The following POR variants were observed in gnomAD, a reference collection of about 807,000 sequenced individuals.
POR encodes NADPH--cytochrome P450 reductase.
POR carries 56 observed loss-of-function variants against 84.0 expected under a neutral mutation model. The ratio of observed to expected loss-of-function variants is 0.67; its 90% CI spans 0.54 to 0.83. POR has a LOEUF of 0.83. POR is among the 40% of genes least tolerant of loss of function. The pLI is 0.00. For missense variants in POR, 938 were observed against 944.3 expected (o/e 0.99, Z 0.09); for synonymous variants, 414 against 400.5 (o/e 1.03, Z -0.40).
At position 75,985,185 on chromosome 7, in the gene POR, A is replaced by C. The variant is rs1554558928; in HGVS notation, c.1376A>C (p.Tyr459Ser). 6.3e-7 allele frequency: 1 copy of C among 1,596,196 alleles called. No homozygotes were observed. The highest frequency in any genetic ancestry group is 8.5e-7 in the Non-Finnish European group (1 of 1,177,910). ...CTGCCGCGCCTGCAGGCCCGCTACT[A>C]CTCCATCGCCTCATCCTCCAAGGTG... is the stretch of plus-strand genomic sequence containing the variant. Residue 459 changes from tyrosine to serine, a missense_variant, in exon 12 of 16, where the codon TAC becomes TCC. Transcript: ENST00000461988.
At chr7:75,964,079 A>G (rs1324919749) in intron 2 of POR, among the ~76,000 whole-genome samples, 135 of 150,730 alleles carry the variant, frequency 9.0e-4, no homozygotes, top group African/African-American at 3.1e-3. Context: ...GGCTCACTGC[A>G]ACCTCTGCCT....
At chr7:75,954,287 A>G in intron 2 of POR, 107 bp downstream of exon 2, 1 of 1,198,878 alleles carries the variant, frequency 8.3e-7, no homozygotes, top group African/African-American at 1.5e-5. Flanking sequence ...TCCTTGTAGC[A>G]TTTTGGGGTG....
At chr7:75,953,838 C>A (rs949813868) in intron 1 of POR, among the ~76,000 whole-genome samples, 151 bp from the exon 2 acceptor site, 3 of 152,164 alleles carry the variant, frequency 2.0e-5, no homozygotes, top group African/African-American at 7.2e-5. Flanking sequence ...TTGGCAGGAA[C>A]CTGGCTGAGT....
chr7:75,956,729 GT>G lies in POR; in HGVS notation c.188+2562del, dbSNP rs200737243. Among the ~76,000 whole-genome samples the G allele has an allele frequency of 4.6e-4, 68 of 146,940 alleles. 1 individual carries two copies. The highest frequency in any genetic ancestry group is 7.2e-4 in the African/African-American group (29 of 40,102). On this transcript the variant is annotated intron_variant, in intron 2 of 15. Transcript: ENST00000461988. ...TGGAAAATGAGGGTGTTGCAACATAGTTTTTTTTTTTTTGAGACAGACTTTT... is the reference window on the plus strand; with the variant it reads ...TGGAAAATGAGGGTGTTGCAACATAGTTTTTTTTTTTTGAGACAGACTTTT...
intron 1 of POR, among the ~76,000 whole-genome samples, chr7:75,925,755 C>G (rs1305751206): frequency 6.6e-6 from 1 of 152,180 alleles, no homozygotes; most frequent in Non-Finnish European, 1.5e-5. Context: ...AGGAGTGTTC[C>G]CACAGGTGAC....
In POR at chr7:75,979,431, C is replaced by A; in HGVS notation, c.238-20C>A. 6.2e-7 allele frequency: 1 copy of A among 1,610,896 alleles called. No homozygotes were observed. Among genetic ancestry groups the A allele is most frequent in the Non-Finnish European group, 8.5e-7 (1 of 1,178,800 alleles). The stretch of plus-strand genomic sequence containing the variant: ...GCTGAGGTCTGTGGCCCTCACCAAC[C>A]CTGTGTCTGCCTTCCTTAGGGGAGG... On this transcript the variant is annotated intron_variant, in intron 3 of 15. Transcript: ENST00000461988.
chr7:75,985,675 GC>G lies in POR; in HGVS notation c.1497del (p.Lys500ArgfsTer45). The G allele has an allele frequency of 6.3e-7, 1 of 1,594,306 alleles. No individual in the cohort carries two copies. The highest frequency in any genetic ancestry group is 8.5e-7 in the Non-Finnish European group (1 of 1,171,836). ...GGGCGTGGCCACCAACTGGCTGCGGGCCAAGGAGCCTGCCGGGGAGAACGGC... is the reference window on the plus strand; with the variant it reads ...GGGCGTGGCCACCAACTGGCTGCGGGCAAGGAGCCTGCCGGGGAGAACGGC... On this transcript the variant is annotated frameshift_variant, in exon 13 of 16. Transcript: ENST00000461988. LOFTEE classifies it high-confidence loss of function.
chr7:75,916,515 A>G (rs1280682122), intron 1 of POR, among the ~76,000 whole-genome samples: 1 of 151,956 alleles, frequency 6.6e-6, no homozygotes, highest in African/African-American at 2.4e-5. Flanking sequence ...AGGAGTTCTT[A>G]TTTTCCTTTT....
In POR at chr7:75,919,546, G is replaced by A. The variant is rs142188317; in HGVS notation, c.-5+4367G>A. Among the ~76,000 whole-genome samples, 1,425 of 152,096 alleles carry A rather than the reference G, an allele frequency of 9.4e-3. 24 individuals are homozygous for A. Among genetic ancestry groups the A allele is most frequent in the African/African-American group, 0.03 (1,242 of 41,498 alleles). ...TTTCTTTCTTTCCTTTTCTCTCTCT[G>A]TATGTTTATTTATTTATTTATTATT... On this transcript the variant is annotated intron_variant, in intron 1 of 15. Coordinates refer to ENST00000461988, the MANE Select transcript of POR (RefSeq NM_000941.3).
chr7:75,920,748 C>T (rs1389195086), intron 1 of POR, among the ~76,000 whole-genome samples: 1 of 152,104 alleles, frequency 6.6e-6, no homozygotes, highest in African/African-American at 2.4e-5. Flanking sequence ...TGGTTAGGAA[C>T]ACGTGAACTA....
chr7:75,967,070 G>T (rs1554555375), intron 2 of POR, among the ~76,000 whole-genome samples: 1 of 152,126 alleles, frequency 6.6e-6, no homozygotes, highest in African/African-American at 2.4e-5. Context: ...CAGCCTTCAG[G>T]CTCAAGTGAT....
Position 75,981,070 on chromosome 7 carries a change from C to T in POR, c.539C>T (p.Thr180Ile). The stretch of plus-strand genomic sequence containing the variant: ...CAGGTGTTTGGTCTTGGGAACAAGA[C>T]CTACGAGCACTTCAATGCCATGGGC... Residue 180 changes from threonine (T) to isoleucine (I), a missense_variant, in exon 6 of 16, where the codon ACC becomes ATC. By Grantham distance (89) the Thr-to-Ile change is moderately conservative (BLOSUM62 -1). Transcript: ENST00000461988. 6.3e-7 allele frequency: 1 copy of T among 1,576,272 alleles called. No individual in the cohort carries two copies. The highest frequency in any genetic ancestry group is 8.6e-7 in the Non-Finnish European group (1 of 1,161,374).
At chr7:75,971,623 G>GTA (rs1554556160) in intron 2 of POR, among the ~76,000 whole-genome samples, 3 of 152,116 alleles carry the variant, frequency 2.0e-5, no homozygotes, top group African/African-American at 7.2e-5. Context: ...GATGGACCAA[G>GTA]GTGAGGGCTG....
chr7:75,942,366 CT>C (rs1373759897), intron 1 of POR, among the ~76,000 whole-genome samples: 4 of 152,138 alleles, frequency 2.6e-5, no homozygotes, highest in African/African-American at 9.7e-5. Flanking sequence ...TTGAAAATAT[CT>C]TTTCACACAA....
intron 2 of POR, among the ~76,000 whole-genome samples, chr7:75,966,566 C>T (rs1031437399): frequency 3.3e-5 from 5 of 152,174 alleles, no homozygotes; most frequent in South Asian, 2.1e-4. Context: ...TGGCAGTAGA[C>T]GCTAGGTTCT....
chr7:75,930,942 C>T (rs1176695134), intron 1 of POR, among the ~76,000 whole-genome samples: 1 of 152,170 alleles, frequency 6.6e-6, no homozygotes, highest in Non-Finnish European at 1.5e-5. Flanking sequence ...CTAACCTCAG[C>T]CTCCTGAGTA....
At chr7:75,943,763 TTCA>T (rs1787054837) in intron 1 of POR, 1 of 448,120 alleles carries the variant, frequency 2.2e-6, no homozygotes, top group Non-Finnish European at 4.4e-6. Context: ...CGTCTTTAGA[TTCA>T]TCAAGAGCCA....
intron 1 of POR, among the ~76,000 whole-genome samples, chr7:75,943,017 T>G (rs1212398480): frequency 6.6e-6 from 1 of 151,840 alleles, no homozygotes; most frequent in Non-Finnish European, 1.5e-5. Flanking sequence ...AGTGGCATGA[T>G]CTCGGCTCAT....
chr7:75,982,724 G>C (rs1174339407), intron 8 of POR, among the ~76,000 whole-genome samples: 2 of 152,186 alleles, frequency 1.3e-5, no homozygotes, highest in Non-Finnish European at 2.9e-5. Flanking sequence ...CCAGATTCCT[G>C]CCCGAGCCAC....
Sources: gnomAD v4.1 joint callset for allele counts (sites outside exome capture counted in the v4.1 genomes callset) on GRCh38, gnomAD v4.1.1 for gene constraint, MANE v1.5 for transcripts, NCBI Gene and HGNC (gene_info 2026-07-23, HGNC 2026-07-21) for gene names.